Variants in PRH1 observed in about 807,000 individuals in gnomAD.
PRH1 encodes proline rich protein HaeIII subfamily 1, also known as salivary acidic proline-rich phosphoprotein 1/2.
A neutral mutation model predicts 7.9 loss-of-function variants in PRH1; 7 were observed. The ratio of observed to expected loss-of-function variants is 0.89; its 90% CI spans 0.50 to 1.67. The LOEUF (loss-of-function observed/expected upper bound fraction) is 1.67. Ranked by LOEUF, PRH1 falls within the 40% of genes most tolerant of loss-of-function variation. The pLI is 0.00. For missense variants in PRH1, 109 were observed against 223.6 expected (o/e 0.49, Z 3.27); for synonymous variants, 45 against 80.8 (o/e 0.56, Z 2.38).
intron 1 of PRH1, among the ~76,000 whole-genome samples, chr12:10,988,145 C>G (rs1422623929): frequency 2.0e-5 from 3 of 152,126 alleles, no homozygotes; most frequent in Non-Finnish European, 4.4e-5. Context: ...CTTGGCCCAT[C>G]TCAAGTCACC....
chr12:11,141,196 A>G (rs1340404170), intron 1 of PRH1, among the ~76,000 whole-genome samples: 1 of 152,148 alleles, frequency 6.6e-6, no homozygotes, highest in Non-Finnish European at 1.5e-5. Context: ...CATTTTCAAT[A>G]TTTATCAAAC....
At chr12:11,018,239 T>C (rs1377741050) in intron 1 of PRH1, among the ~76,000 whole-genome samples, 2 of 152,042 alleles carry the variant, frequency 1.3e-5, no homozygotes, top group Non-Finnish European at 2.9e-5. Context: ...AGTGGAGGAT[T>C]ATCCGCTGTC....
upstream of PRH1, among the ~76,000 whole-genome samples, chr12:10,888,472 A>C (rs1396028105): frequency 1.3e-5 from 2 of 152,204 alleles, no homozygotes; most frequent in Non-Finnish European, 2.9e-5. Flanking sequence ...GTTTATGTAT[A>C]ATTAGTTGTT....
At chr12:10,916,208 G>A (rs1949970201) in intron 2 of PRH1, among the ~76,000 whole-genome samples, 1 of 152,072 alleles carries the variant, frequency 6.6e-6, no homozygotes, top group African/African-American at 2.4e-5. Context: ...ATTATCATAA[G>A]AACAACATGG....
chr12:10,997,278 A>G (rs1323483034), intron 1 of PRH1: 1 of 1,614,170 alleles, frequency 6.2e-7, no homozygotes, highest in South Asian at 1.1e-5. Context: ...CACAGAGAGT[A>G]GATTAACAGC....
downstream of PRH1, among the ~76,000 whole-genome samples, chr12:11,120,683 T>C (rs1945873020): frequency 6.6e-6 from 1 of 152,154 alleles, no homozygotes; most frequent in Non-Finnish European, 1.5e-5. Flanking sequence ...CCAGAATTTA[T>C]AGAAAGTATC....
intron 1 of PRH1, among the ~76,000 whole-genome samples, chr12:11,146,152 C>A (rs1170547033): frequency 6.6e-6 from 1 of 151,958 alleles, no homozygotes; most frequent in South Asian, 2.1e-4. Context: ...ATCTGGATAC[C>A]TTTTTAGTAT....
At chr12:11,150,298 G>T (rs1031944193) in intron 1 of PRH1, among the ~76,000 whole-genome samples, 1 of 151,976 alleles carries the variant, frequency 6.6e-6, no homozygotes, top group African/African-American at 2.4e-5. Flanking sequence ...AATACCATTT[G>T]ACCCAGCCAT....
At chr12:10,919,674 G>A (rs554601344) in intron 2 of PRH1, among the ~76,000 whole-genome samples, 1 of 147,984 alleles carries the variant, frequency 6.8e-6, no homozygotes, top group African/African-American at 2.5e-5. Context: ...AACAGTCTAC[G>A]TTTTTTTTTT....
intron 1 of PRH1, among the ~76,000 whole-genome samples, chr12:11,096,890 G>C (rs34524971): frequency 0.95 from 106,025 of 112,176 alleles, 51,655 homozygotes; most frequent in East Asian, 1. Context: ...CTCTGTCCCC[G>C]GGGTTCACGC....
intron 2 of PRH1, among the ~76,000 whole-genome samples, chr12:10,923,040 G>A (rs1205058272): frequency 6.6e-6 from 1 of 150,592 alleles, no homozygotes; most frequent in African/African-American, 2.4e-5. Context: ...TTGTTAGCCA[G>A]GATGGTCTCG....
chr12:10,944,778 A>G (rs1950460068), intron 2 of PRH1, among the ~76,000 whole-genome samples: 1 of 152,122 alleles, frequency 6.6e-6, no homozygotes, highest in Non-Finnish European at 1.5e-5. Flanking sequence ...GGGATGTTGA[A>G]TTTTTATCAA....
chr12:10,977,296 C>G (rs1488650555), intron 1 of PRH1, among the ~76,000 whole-genome samples: 1 of 152,108 alleles, frequency 6.6e-6, no homozygotes, highest in Non-Finnish European at 1.5e-5. Context: ...ATCACATAAG[C>G]AGAACTAATT....
At chr12:11,156,131 CTTTTGAATTTCTG>C (rs772238323) in intron 1 of PRH1, among the ~76,000 whole-genome samples, 2 of 152,064 alleles carry the variant, frequency 1.3e-5, no homozygotes, top group Non-Finnish European at 2.9e-5. Flanking sequence ...AAAATGTATC[CTTTTGAATTTCTG>C]TTTATGAAAT....
At chr12:11,009,703 T>C (rs1940984222) in intron 1 of PRH1, among the ~76,000 whole-genome samples, 1 of 151,946 alleles carries the variant, frequency 6.6e-6, no homozygotes, top group African/African-American at 2.4e-5. Context: ...ATTAATTTGA[T>C]GTGAGTAGCT....
intron 1 of PRH1, among the ~76,000 whole-genome samples, chr12:11,043,384 A>C (rs1231440828): frequency 6.6e-6 from 1 of 152,216 alleles, no homozygotes; most frequent in Non-Finnish European, 1.5e-5. Flanking sequence ...GATCTGGAAC[A>C]TGCCAAAAAT....
intron 2 of PRH1, chr12:10,929,127 G>A: frequency 3.3e-6 from 3 of 920,204 alleles, no homozygotes; most frequent in Non-Finnish European, 5.1e-6. Flanking sequence ...TTGACCTGAA[G>A]TAAGCAAAGC....
rs138204931 is a variant in PRH1 at position 11,112,335 on chromosome 12, A to G, written n.123+59087T>C. Among the ~76,000 whole-genome samples, 8 of 152,206 alleles carry G rather than the reference A, an allele frequency of 5.3e-5. No homozygotes were observed. The East Asian group carries it at 1.5e-3, about 29-fold the overall frequency. On this transcript the variant is annotated intron_variant and non_coding_transcript_variant, in intron 1 of 4. Transcript: ENST00000541977. Reference sequence around the variant, plus strand: ...AGCATCATCCTGATTCCAAAACCTGATAGAGACACAGCAAAAAGAGAAAAT... The same window carrying G: ...AGCATCATCCTGATTCCAAAACCTGGTAGAGACACAGCAAAAAGAGAAAAT...
intron 1 of PRH1, chr12:10,997,393 G>A (rs1445291780): frequency 3.1e-6 from 5 of 1,613,964 alleles, no homozygotes; most frequent in Non-Finnish European, 4.2e-6. Context: ...TCCAAGTTAC[G>A]TTTCCTTCAC....
Sources: allele counts gnomAD v4.1 joint callset (sites outside exome capture counted in the v4.1 genomes callset), GRCh38; gene constraint gnomAD v4.1.1; transcripts MANE v1.5; gene names NCBI Gene and HGNC (gene_info 2026-07-23, HGNC 2026-07-21).